The following HPSE2 variants were observed in gnomAD, a reference collection of about 807,000 sequenced individuals.
HPSE2 encodes inactive heparanase-2.
In HPSE2, 38 loss-of-function variants were observed where a neutral mutation model predicts 60.5. That is an observed-to-expected ratio of 0.63 (90% CI 0.48 to 0.82). HPSE2 has a LOEUF of 0.82. HPSE2 is among the 40% of genes least tolerant of loss of function. The probability of loss-of-function intolerance (pLI) is 0.00; values close to 1 mark genes in which losing one functional copy is unlikely to be tolerated. For synonymous variants in HPSE2, 295 were observed against 293.2 expected, an observed-to-expected ratio of 1.01 and a Z score of -0.06; for missense variants, 713 against 740.4, an observed-to-expected ratio of 0.96 and a Z score of 0.43.
chr10:98,573,969 T>C (rs1359810245), intron 9 of HPSE2, among the ~76,000 whole-genome samples: 1 of 152,128 alleles, frequency 6.6e-6, no homozygotes, highest in Non-Finnish European at 1.5e-5. Flanking sequence ...GAGTTGTGCA[T>C]CCATAACCAC....
At chr10:98,462,974 T>TA (rs1491534151) in intron 11 of HPSE2, among the ~76,000 whole-genome samples, 1 of 146,434 alleles carries the variant, frequency 6.8e-6, no homozygotes, top group Non-Finnish European at 1.5e-5. Flanking sequence ...TTTTTTTTTT[T>TA]ATCTTTGTGA....
chr10:98,505,812 C>T (rs1471437138), intron 9 of HPSE2, among the ~76,000 whole-genome samples: 2 of 152,100 alleles, frequency 1.3e-5, no homozygotes, highest in African/African-American at 4.8e-5. Flanking sequence ...TGAAATGCCC[C>T]GTGTCCTGTA....
chr10:98,492,517 A>G (rs1218137574), intron 9 of HPSE2, among the ~76,000 whole-genome samples: 2 of 151,646 alleles, frequency 1.3e-5, no homozygotes, highest in African/African-American at 4.8e-5. Flanking sequence ...AGACAAAAAA[A>G]AAAAAAAAAG....
At chr10:99,130,836 C>G (rs374523117) in intron 3 of HPSE2, among the ~76,000 whole-genome samples, 12 of 152,230 alleles carry the variant, frequency 7.9e-5, no homozygotes, top group African/African-American at 2.6e-4. Context: ...ATCTTATCAG[C>G]TAATTGCATT....
intron 5 of HPSE2, among the ~76,000 whole-genome samples, chr10:98,710,649 C>G (rs1948653912): frequency 6.6e-6 from 1 of 152,080 alleles, no homozygotes; most frequent in African/African-American, 2.4e-5. Flanking sequence ...TTTTACAACT[C>G]TGTAAGGTTG....
At chr10:98,992,480 T>G (rs2135346244) in intron 3 of HPSE2, among the ~76,000 whole-genome samples, 1 of 152,250 alleles carries the variant, frequency 6.6e-6, no homozygotes, top group Admixed American at 6.5e-5. Context: ...GCCATGAGGG[T>G]TTGATTTCCA....
intron 3 of HPSE2, among the ~76,000 whole-genome samples, chr10:98,781,011 T>C (rs1950452956): frequency 6.6e-6 from 1 of 152,086 alleles, no homozygotes; most frequent in Non-Finnish European, 1.5e-5. Context: ...TGATCTACCT[T>C]TATCTCTTTC....
At chr10:98,897,500 C>A (rs938995361) in intron 3 of HPSE2, among the ~76,000 whole-genome samples, 1 of 151,972 alleles carries the variant, frequency 6.6e-6, no homozygotes, top group Admixed American at 6.6e-5. Flanking sequence ...AATCAAGACA[C>A]CATGACATAC....
intron 3 of HPSE2, among the ~76,000 whole-genome samples, chr10:99,040,095 T>C (rs1241119507): frequency 2.0e-5 from 3 of 152,194 alleles, no homozygotes; most frequent in Admixed American, 2.0e-4. Flanking sequence ...CCTTCATAGG[T>C]ACAGTTTTCT....
At chr10:98,565,553 C>T (rs1022648359) in intron 9 of HPSE2, among the ~76,000 whole-genome samples, 1 of 152,196 alleles carries the variant, frequency 6.6e-6, no homozygotes, top group South Asian at 2.1e-4. Flanking sequence ...ATATGTACCA[C>T]ATTTTCTTTA....
intron 3 of HPSE2, among the ~76,000 whole-genome samples, chr10:99,005,892 C>T (rs1473315843): frequency 6.6e-6 from 1 of 152,140 alleles, no homozygotes; most frequent in Non-Finnish European, 1.5e-5. Context: ...GGTGGGTTTA[C>T]TGCTGGAGTC....
At chr10:98,728,308 C>T (rs550926827) in intron 4 of HPSE2, among the ~76,000 whole-genome samples, 1 of 152,108 alleles carries the variant, frequency 6.6e-6, no homozygotes. Context: ...TGTACTGAAG[C>T]AAGTTTCTGT....
the HPSE2 span, among the ~76,000 whole-genome samples, chr10:99,277,692 T>C: frequency 6.6e-6 from 1 of 152,224 alleles, no homozygotes; most frequent in African/African-American, 2.4e-5. Context: ...GGTTTTTCTG[T>C]GTATAAATGT....
Position 98,726,917 on chromosome 10 carries a change from AT to A in HPSE2, c.785-5090del, listed in dbSNP as rs1458174711. ...CCAGTTAGACTTGTAAAAGACCTAA[AT>A]TTTTAATGTGTTTCCCAACCAACAC... On this transcript the variant is annotated intron_variant, in intron 4 of 11. Transcript: ENST00000370552. Among the ~76,000 whole-genome samples, 5 of 152,144 alleles carry A rather than the reference AT, an allele frequency of 3.3e-5. 1 individual carries two copies. The highest frequency in any genetic ancestry group is 7.3e-5 in the Non-Finnish European group (5 of 68,028).
At chr10:98,626,860 C>T (rs1946229016) in intron 7 of HPSE2, among the ~76,000 whole-genome samples, 1 of 152,010 alleles carries the variant, frequency 6.6e-6, no homozygotes, top group Non-Finnish European at 1.5e-5. Flanking sequence ...TGCAAGCTCC[C>T]CCTCCTGGGT....
chr10:99,027,680 ACC>A, intron 3 of HPSE2, among the ~76,000 whole-genome samples: 1 of 1,360 alleles, frequency 7.4e-4, no homozygotes. Flanking sequence ...CACCACTACC[ACC>A]ACCACCACCA....
intron 7 of HPSE2, among the ~76,000 whole-genome samples, chr10:98,630,398 C>T (rs906970307): frequency 3.3e-5 from 5 of 152,062 alleles, no homozygotes; most frequent in Admixed American, 1.3e-4. Flanking sequence ...GGTGTTTCAC[C>T]ATGTTAGCCA....
In HPSE2 at chr10:98,882,669, A is replaced by G. The variant is rs77570754; in HGVS notation, c.611-138613T>C. Among the ~76,000 whole-genome samples, 1,305 of 152,188 alleles carry G rather than the reference A, an allele frequency of 8.6e-3. 15 individuals carry two copies. The highest frequency in any genetic ancestry group is 0.03 in the African/African-American group (1,251 of 41,548). ...AGTCATTTGGCTAAACCCAACATCA[A>G]TGAGACAGGAAAGTATGTTCTACTC... On this transcript the variant is annotated intron_variant, in intron 3 of 11. Coordinates refer to ENST00000370552, the MANE Select transcript of HPSE2 (RefSeq NM_021828.5).
intron 3 of HPSE2, among the ~76,000 whole-genome samples, chr10:99,108,786 T>C (rs946261493): frequency 2.0e-4 from 30 of 152,326 alleles, no homozygotes; most frequent in African/African-American, 7.0e-4. Context: ...AAAGTCTCAG[T>C]AGGCCATAAA....
Sources: allele counts gnomAD v4.1 joint callset (sites outside exome capture counted in the v4.1 genomes callset), GRCh38; gene constraint gnomAD v4.1.1; transcripts MANE v1.5; gene names NCBI Gene and HGNC (gene_info 2026-07-23, HGNC 2026-07-21).